Variants in FOXP1 observed in about 807,000 individuals in gnomAD.
FOXP1 encodes the protein forkhead box P1.
FOXP1 carries 15 observed loss-of-function variants against 98.2 expected under a neutral mutation model. That is an observed-to-expected ratio of 0.15 (90% CI 0.10 to 0.24). FOXP1 has a LOEUF of 0.24. Among genes scored for constraint, FOXP1 ranks in the 10% least tolerant of loss-of-function variants. The pLI is 1.00. For missense variants in FOXP1, 633 were observed against 848.5 expected (o/e 0.75, Z 3.15); for synonymous variants, 371 against 314.5 (o/e 1.18, Z -1.90).
chr3:71,037,161 G>C (rs898171661), intron 11 of FOXP1, among the ~76,000 whole-genome samples: 2 of 152,160 alleles, frequency 1.3e-5, no homozygotes, highest in African/African-American at 4.8e-5. Context: ...ATATGCAAAA[G>C]TCTAGCCAGT....
intron 7 of FOXP1, among the ~76,000 whole-genome samples, chr3:71,076,134 T>G (rs563592937): frequency 6.6e-6 from 1 of 152,298 alleles, no homozygotes; most frequent in Admixed American, 6.5e-5. Flanking sequence ...TTTTCAATGT[T>G]TTGTTACTCA....
intron 2 of FOXP1, chr3:71,541,961 G>C (rs766043868): frequency 3.2e-5 from 17 of 532,046 alleles, no homozygotes; most frequent in Non-Finnish European, 6.2e-5. Flanking sequence ...GCATCACGCC[G>C]CGCGAGACAG....
At chr3:71,404,370 G>A (rs761565186) in intron 3 of FOXP1, among the ~76,000 whole-genome samples, 12 of 150,452 alleles carry the variant, frequency 8.0e-5, no homozygotes, top group Non-Finnish European at 1.5e-4. Context: ...CAGTTGATCC[G>A]CCCACCTCAG....
rs561155390 is a variant in FOXP1, at chr3:71,105,863, T to C, written c.282+6673A>G. Among the ~76,000 whole-genome samples the C allele has an allele frequency of 7.2e-5, 11 of 152,268 alleles. 1 individual carries two copies. Among genetic ancestry groups the C allele is most frequent in the Non-Finnish European group, 1.0e-4 (7 of 68,012 alleles). ...AGTCCTCTTAATTGAAATCCAGATATTTATAGTGGAACTGATTTTTGTTGG... is the reference window on the plus strand; with the variant it reads ...AGTCCTCTTAATTGAAATCCAGATACTTATAGTGGAACTGATTTTTGTTGG... On this transcript the variant is annotated intron_variant, in intron 7 of 20. Transcript: ENST00000649528.
intron 14 of FOXP1, among the ~76,000 whole-genome samples, chr3:70,985,508 T>A (rs938461095): frequency 1.3e-5 from 2 of 152,220 alleles, no homozygotes; most frequent in Non-Finnish European, 2.9e-5. Context: ...TAAGATGGTA[T>A]CTTTAATAAA....
At chr3:71,193,148 T>G (rs1478974531) in intron 6 of FOXP1, among the ~76,000 whole-genome samples, 1 of 150,800 alleles carries the variant, frequency 6.6e-6, no homozygotes, top group East Asian at 1.9e-4. Context: ...TGTTGTTGTT[T>G]ATTTGTGTTT....
intron 3 of FOXP1, among the ~76,000 whole-genome samples, chr3:71,411,316 T>TGC (rs1268920813): frequency 1.5e-5 from 2 of 137,234 alleles, no homozygotes; most frequent in Non-Finnish European, 3.1e-5. Flanking sequence ...TGTGTGTGTG[T>TGC]GTATGTGTGT....
chr3:71,077,691 T>G (rs1393857557), intron 7 of FOXP1, among the ~76,000 whole-genome samples: 2 of 152,208 alleles, frequency 1.3e-5, no homozygotes, highest in Non-Finnish European at 2.9e-5. Flanking sequence ...CATAACCCTG[T>G]ACATACCACT....
intron 2 of FOXP1, among the ~76,000 whole-genome samples, chr3:71,543,248 G>C (rs531593350): frequency 6.6e-6 from 1 of 152,340 alleles, no homozygotes; most frequent in East Asian, 1.9e-4. Context: ...GCATCATTTA[G>C]TTAACATCCA....
At chr3:71,130,448 T>G (rs549396705) in intron 6 of FOXP1, 170 of 1,571,976 alleles carry the variant, frequency 1.1e-4, no homozygotes, top group Non-Finnish European at 1.3e-4. Context: ...GATCCCTAGT[T>G]TAAAAGTTTA....
At chr3:71,228,385 A>G (rs1359602713) in intron 5 of FOXP1, among the ~76,000 whole-genome samples, 1 of 152,068 alleles carries the variant, frequency 6.6e-6, no homozygotes, top group Non-Finnish European at 1.5e-5. Context: ...TGTGCATTAA[A>G]CTGCAGCTCC....
intron 5 of FOXP1, among the ~76,000 whole-genome samples, chr3:71,214,160 T>G (rs1284974641): frequency 1.3e-5 from 2 of 152,212 alleles, no homozygotes; most frequent in Non-Finnish European, 2.9e-5. Flanking sequence ...GAGGGGCCCC[T>G]TTGCACAGAG....
chr3:71,505,649 T>C (rs1421809273), intron 2 of FOXP1, among the ~76,000 whole-genome samples: 3 of 152,080 alleles, frequency 2.0e-5, no homozygotes, highest in Admixed American at 6.5e-5. Context: ...ATAGTCTCGA[T>C]CTCCTGACCT....
At chr3:71,285,350 T>A (rs2072000864) in intron 5 of FOXP1, among the ~76,000 whole-genome samples, 1 of 152,166 alleles carries the variant, frequency 6.6e-6, no homozygotes, top group Admixed American at 6.5e-5. Flanking sequence ...ATTCAAAAAA[T>A]GCACAGTAGT....
At chr3:71,345,291 G>A (rs1355960087) in intron 4 of FOXP1, among the ~76,000 whole-genome samples, 1 of 152,016 alleles carries the variant, frequency 6.6e-6, no homozygotes, top group Non-Finnish European at 1.5e-5. Context: ...GGGAGGCTGA[G>A]GCAGGAAGAT....
chr3:71,389,520 A>G (rs2108112267), intron 3 of FOXP1, among the ~76,000 whole-genome samples: 1 of 152,278 alleles, frequency 6.6e-6, no homozygotes, highest in Admixed American at 6.5e-5. Context: ...AATAAGGTGG[A>G]AAAAAACTGA....
intron 3 of FOXP1, among the ~76,000 whole-genome samples, chr3:71,380,036 A>G (rs1032736013): frequency 2.0e-5 from 3 of 152,254 alleles, no homozygotes; most frequent in African/African-American, 4.8e-5. Context: ...TTAGATCAAC[A>G]TCGTGGAAAA....
At position 71,261,328 on chromosome 3, in the gene FOXP1, G is replaced by A. The variant is rs531776022; in HGVS notation, c.-12+38492C>T. Among the ~76,000 whole-genome samples, 309 of 151,468 alleles carry A rather than the reference G, an allele frequency of 2.0e-3. 1 individual carries two copies. The highest frequency in any genetic ancestry group is 7.0e-3 in the African/African-American group (287 of 41,276). ...ATCAAATACATTAATAAAAAAATTA[G>A]ATTTTTTTTAACTTTAGTTTCCAGT... On this transcript the variant is annotated intron_variant, in intron 5 of 20. Transcript: ENST00000649528.
intron 20 of FOXP1, among the ~76,000 whole-genome samples, chr3:70,964,460 A>G (rs1242880603): frequency 6.6e-6 from 1 of 152,252 alleles, no homozygotes; most frequent in East Asian, 1.9e-4. Flanking sequence ...TGTACAGATT[A>G]TGAGAAATAG....
Sources: gnomAD v4.1 joint callset for allele counts (sites outside exome capture counted in the v4.1 genomes callset) on GRCh38, gnomAD v4.1.1 for gene constraint, MANE v1.5 for transcripts, NCBI Gene and HGNC (gene_info 2026-07-23, HGNC 2026-07-21) for gene names.